Variants in STAC observed in about 807,000 individuals in gnomAD.
STAC encodes SH3 and cysteine rich domain.
In STAC, 43 loss-of-function variants were observed where a neutral mutation model predicts 48.8. The observed-to-expected ratio is 0.88, with a 90% confidence interval of 0.69 to 1.14. The LOEUF is 1.14. Among genes scored for constraint, STAC ranks in the 50% most tolerant of loss-of-function variants. The probability of loss-of-function intolerance (pLI) is 0.00; values close to 1 mark genes in which losing one functional copy is unlikely to be tolerated. For synonymous variants in STAC, 193 were observed against 179.5 expected (o/e 1.07, Z -0.60); for missense variants, 497 against 504.0 (o/e 0.99, Z 0.13).
intron 1 of STAC, among the ~76,000 whole-genome samples, chr3:36,435,309 G>A (rs1423124449): frequency 6.6e-6 from 1 of 152,022 alleles, no homozygotes; most frequent in Non-Finnish European, 1.5e-5. Flanking sequence ...GAATAAAGAA[G>A]CAATCAAAAG....
At chr3:36,451,694 T>C (rs1446068311) in intron 2 of STAC, among the ~76,000 whole-genome samples, 1 of 152,230 alleles carries the variant, frequency 6.6e-6, no homozygotes, top group African/African-American at 2.4e-5. Flanking sequence ...CAGTGTTTAA[T>C]GATCAAATCA....
intron 1 of STAC, among the ~76,000 whole-genome samples, chr3:36,413,029 G>C (rs920040119): frequency 6.6e-6 from 1 of 152,102 alleles, no homozygotes; most frequent in Non-Finnish European, 1.5e-5. Context: ...ATTGCACTGT[G>C]GTCTGAGAGA....
At chr3:36,516,334 CT>C in intron 8 of STAC, among the ~76,000 whole-genome samples, 1 of 151,916 alleles carries the variant, frequency 6.6e-6, no homozygotes, top group African/African-American at 2.4e-5. Flanking sequence ...TTTTATTTTC[CT>C]TTCACAAGAG....
intron 5 of STAC, among the ~76,000 whole-genome samples, chr3:36,492,022 AAAAAAAAAAATATATATATATATATAT>A (rs1306501454): frequency 4.7e-4 from 20 of 42,552 alleles, no homozygotes; most frequent in African/African-American, 1.4e-3. Flanking sequence ...AAAAAAAAAA[AAAAAAAAAAATATATATATATATATAT>A]ATATATATAT....
At position 36,380,902 on chromosome 3, in the gene STAC, A is replaced by ACCCGCCGAGACTTGAACGTCCGGTAAGG. The variant is rs1575165310; in HGVS notation, c.111+153_111+154insCGAGACTTGAACGTCCGGTAAGGCCCGC. 153 of 593,328 alleles carry ACCCGCCGAGACTTGAACGTCCGGTAAGG rather than the reference A, an allele frequency of 2.6e-4. 4 individuals are homozygous for ACCCGCCGAGACTTGAACGTCCGGTAAGG. The East Asian group carries it at 4.8e-3, about 19-fold the overall frequency. 36.8% of individuals were successfully genotyped at this position (593,328 alleles called of 1,614,324 possible). On this transcript the variant is annotated intron_variant, in intron 1 of 10. Transcript: ENST00000273183. ...CTGTAGGACTTGAACGTCCGGTAGG[A>ACCCGCCGAGACTTGAACGTCCGGTAAGG]CCCGCTGCTCACGATGCTGGACCAC...
intron 8 of STAC, among the ~76,000 whole-genome samples, chr3:36,517,530 T>C (rs1284179052): frequency 6.6e-6 from 1 of 152,166 alleles, no homozygotes; most frequent in Non-Finnish European, 1.5e-5. Context: ...GGTGCATACC[T>C]GTAGCCCTAG....
At chr3:36,399,023 C>A (rs2125625188) in intron 1 of STAC, among the ~76,000 whole-genome samples, 1 of 152,272 alleles carries the variant, frequency 6.6e-6, no homozygotes, top group East Asian at 1.9e-4. Context: ...TTGGCCTGAC[C>A]CACATGGGGT....
intron 2 of STAC, among the ~76,000 whole-genome samples, chr3:36,482,556 C>T (rs75607303): frequency 0.016 from 2,417 of 152,298 alleles, 22 homozygotes; most frequent in Non-Finnish European, 0.021. Flanking sequence ...CTGCCCTTCC[C>T]CCTTAATCAG....
chr3:36,505,694 C>G, intron 7 of STAC, 52 bp from the exon 8 acceptor site: 1 of 1,253,234 alleles, frequency 8.0e-7, no homozygotes, highest in Non-Finnish European at 1.1e-6. Context: ...TCTTTCCTCT[C>G]TCAATTTATT....
intron 6 of STAC, 103 bp downstream of exon 6, chr3:36,493,332 GA>G (rs1475437162): frequency 3.7e-6 from 4 of 1,068,196 alleles, no homozygotes; most frequent in Non-Finnish European, 5.7e-6. Context: ...GCTAGCTCTG[GA>G]ATTTAATCAG....
intron 1 of STAC, among the ~76,000 whole-genome samples, chr3:36,414,001 C>T (rs1418855041): frequency 6.6e-6 from 1 of 152,154 alleles, no homozygotes; most frequent in Non-Finnish European, 1.5e-5. Context: ...TGAATATTGG[C>T]CCCCACTCTC....
intron 5 of STAC, among the ~76,000 whole-genome samples, chr3:36,488,986 CAT>C (rs1298215535): frequency 6.6e-6 from 1 of 152,156 alleles, no homozygotes; most frequent in African/African-American, 2.4e-5. Context: ...AGCCCTATAA[CAT>C]ATCCATTCCT....
intron 1 of STAC, among the ~76,000 whole-genome samples, chr3:36,433,794 A>G (rs1308544826): frequency 6.6e-6 from 1 of 152,210 alleles, no homozygotes; most frequent in Non-Finnish European, 1.5e-5. Context: ...GCCCAAGACC[A>G]CACATTTCAG....
intron 8 of STAC, among the ~76,000 whole-genome samples, chr3:36,518,593 A>C (rs145890637): frequency 1.9e-3 from 285 of 152,288 alleles, no homozygotes; most frequent in African/African-American, 6.4e-3. Flanking sequence ...CGCCAAGTGC[A>C]AATTTAGATT....
intron 2 of STAC, among the ~76,000 whole-genome samples, chr3:36,476,319 T>C (rs186089643): frequency 6.6e-6 from 1 of 152,116 alleles, no homozygotes; most frequent in Non-Finnish European, 1.5e-5. Flanking sequence ...AGAAGAGTGG[T>C]GGGTTCCCTG....
chr3:36,390,589 C>T (rs4505641), intron 1 of STAC, among the ~76,000 whole-genome samples: 95,896 of 151,246 alleles, frequency 0.63, 31,470 homozygotes, highest in African/African-American at 0.83. Flanking sequence ...AATAAACTCC[C>T]GGGTTTTGAT....
intron 2 of STAC, among the ~76,000 whole-genome samples, chr3:36,454,108 T>C (rs1197384310): frequency 6.6e-6 from 1 of 152,074 alleles, no homozygotes; most frequent in Non-Finnish European, 1.5e-5. Context: ...AATAAGAGAA[T>C]AAAAGCAGGC....
At position 36,547,490 on chromosome 3, in the gene STAC, T is replaced by C. The variant is rs1449828919; in HGVS notation, c.*1201T>C. 6.6e-6 allele frequency: 1 copy of C among 152,658 alleles called. No individual in the cohort carries two copies. Among genetic ancestry groups the C allele is most frequent in the Non-Finnish European group, 1.5e-5 (1 of 68,034 alleles). The allele number at this position is 152,658 out of a possible 1,614,324, so 9.5% of individuals were successfully genotyped here. ...ATGTTTACAAGAATGCAATATACTG[T>C]GATGCCTTCCTACTCAAGCCTCCTA... On this transcript the variant is annotated 3_prime_UTR_variant, in exon 11 of 11. Coordinates refer to ENST00000273183, the MANE Select transcript of STAC (RefSeq NM_003149.3).
At chr3:36,391,705 A>C (rs1409692223) in intron 1 of STAC, among the ~76,000 whole-genome samples, 1 of 152,234 alleles carries the variant, frequency 6.6e-6, no homozygotes, top group Non-Finnish European at 1.5e-5. Context: ...GGGCGGGCTA[A>C]GCAGGGAAGA....
Sources: allele counts gnomAD v4.1 joint callset (sites outside exome capture counted in the v4.1 genomes callset), GRCh38; gene constraint gnomAD v4.1.1; transcripts MANE v1.5; gene names NCBI Gene and HGNC (gene_info 2026-07-23, HGNC 2026-07-21).